FDPS: variants seen among roughly 807,000 people sequenced by gnomAD.
The protein encoded by FDPS is farnesyl pyrophosphate synthase.
Under a neutral mutation model 49.5 loss-of-function variants are expected in FDPS, and 29 were observed. That is an observed-to-expected ratio of 0.59 (90% CI 0.44 to 0.80). The LOEUF is 0.80. Among genes scored for constraint, FDPS ranks in the 30% least tolerant of loss-of-function variants. The pLI is 0.00. For synonymous variants in FDPS, 172 were observed against 206.4 expected, an observed-to-expected ratio of 0.83 and a Z score of 1.43; for missense variants, 414 against 525.6, an observed-to-expected ratio of 0.79 and a Z score of 2.08.
At chr1:155,320,278 TG>T (rs1176528955) in intron 10 of FDPS, 130 bp from the exon 11 acceptor site, 2 of 790,252 alleles carry the variant, frequency 2.5e-6, no homozygotes, top group East Asian at 5.4e-5. Context: ...TAGAGACACT[TG>T]AAAATTGGAG....
chr1:155,313,106 A>G (rs1240861926), intron 4 of FDPS: 2 of 152,242 alleles, frequency 1.3e-5, no homozygotes, highest in East Asian at 1.9e-4. Context: ...TAAATTTAAC[A>G]AAGAGATTTC....
intron 4 of FDPS, among the ~76,000 whole-genome samples, chr1:155,314,025 G>T (rs550131841): frequency 6.6e-6 from 1 of 152,044 alleles, no homozygotes; most frequent in South Asian, 2.1e-4. Context: ...CACCATATTG[G>T]TCAGGCTGGT....
chr1:155,310,797 C>G (rs928722213), intron 3 of FDPS, among the ~76,000 whole-genome samples: 3 of 152,112 alleles, frequency 2.0e-5, no homozygotes, highest in Non-Finnish European at 4.4e-5. Flanking sequence ...AAATCAGAAG[C>G]TGTTAGGTTG....
Position 155,320,090 on chromosome 1 carries a change from T to C in FDPS, c.1059+162T>C, listed in dbSNP as rs191093924. 1.2e-4 allele frequency: 98 copies of C among 833,986 alleles called. 1 individual carries two copies. The Admixed American group carries it at 2.4e-3, about 20-fold the overall frequency. The allele number at this position is 833,986 out of a possible 1,614,324, so 51.7% of individuals were successfully genotyped here. Reference sequence around the variant, plus strand: ...TGTGTGTGTGCATGTGGTACAGACATCTAGTTGGCAGGAGCCAAAGATGTT... The same window carrying C: ...TGTGTGTGTGCATGTGGTACAGACACCTAGTTGGCAGGAGCCAAAGATGTT... On this transcript the variant is annotated intron_variant, in intron 10 of 10. Transcript: ENST00000368356.
In FDPS at chr1:155,318,439, T is replaced by A; in HGVS notation, c.684+148T>A. 3 of 1,077,682 alleles carry A rather than the reference T, an allele frequency of 2.8e-6. No homozygotes were observed. The highest frequency in any genetic ancestry group is 4.1e-6 in the Non-Finnish European group (3 of 733,088). 66.8% of individuals were successfully genotyped at this position (1,077,682 alleles called of 1,614,324 possible). On this transcript the variant is annotated intron_variant, in intron 6 of 10. Transcript: ENST00000368356. This position sits in a 1 kb window ranked among gnomAD's most constrained non-coding sequence, Gnocchi z 4.2. ...CGAGGAAGGGTGTTGGGAAGTGGGG[T>A]TGTGGTAGTGGCAAGAAAGGGCTTC... is the stretch of plus-strand genomic sequence containing the variant.
intron 10 of FDPS, 46 bp downstream of exon 10, chr1:155,319,974 A>G (rs1177445213): frequency 6.3e-7 from 1 of 1,597,090 alleles, no homozygotes; most frequent in Non-Finnish European, 8.6e-7. Context: ...GGAAAGGGAT[A>G]GAGCAGTGGT....
Position 155,320,529 on chromosome 1 carries a change from C to G in FDPS, c.1180C>G (p.Leu394Val). 1.2e-6 allele frequency: 2 copies of G among 1,614,174 alleles called. No homozygotes were observed. Among genetic ancestry groups the G allele is most frequent in the Non-Finnish European group, 1.7e-6 (2 of 1,180,036 alleles). ...EEDSYSHIMA[L>V]IEQYAAPLPP... Reference sequence around the variant, plus strand: ...AGACAGTTACAGCCACATTATGGCTCTCATTGAACAGTACGCAGCACCCCT... The same window carrying G: ...AGACAGTTACAGCCACATTATGGCTGTCATTGAACAGTACGCAGCACCCCT... Residue 394 changes from leucine to valine, a missense_variant, in exon 11 of 11, where the codon CTC (leucine) becomes GTC (valine). Leu to Val is a conservative substitution (Grantham distance 32). Transcript: ENST00000368356.
At position 155,318,468 on chromosome 1, in the gene FDPS, G is replaced by A. The variant is rs912821021; in HGVS notation, c.684+177G>A. The A allele has an allele frequency of 1.2e-6, 1 of 868,234 alleles. No individual in the cohort carries two copies. Among genetic ancestry groups the A allele is most frequent in the Non-Finnish European group, 1.8e-6 (1 of 548,210 alleles). The allele number at this position is 868,234 out of a possible 1,614,324, so 53.8% of individuals were successfully genotyped here. The stretch of plus-strand genomic sequence containing the variant: ...GGTAGTGGCAAGAAAGGGCTTCTCT[G>A]TCCTGTGTAATTGGAAGAAAGGGTG... On this transcript the variant is annotated intron_variant, in intron 6 of 10. Transcript: ENST00000368356. The surrounding 1 kb of genome is among the most constrained non-coding windows in gnomAD (Gnocchi z 4.2).
At chr1:155,309,703 T>G in intron 1 of FDPS, 86 bp from the exon 2 acceptor site, 1 of 1,243,758 alleles carries the variant, frequency 8.0e-7, no homozygotes, top group South Asian at 1.8e-5. Flanking sequence ...GGGTGGGAGT[T>G]ATCTGGGGAG....
chr1:155,320,286 G>T, intron 10 of FDPS, 123 bp from the exon 11 acceptor site: 1 of 812,248 alleles, frequency 1.2e-6, no homozygotes, highest in South Asian at 1.7e-5. Flanking sequence ...CTTGAAAATT[G>T]GAGGGAGGAA....
rs1648911359 is a variant in FDPS, at chr1:155,312,569, C to A, written c.480+174C>A. On this transcript the variant is annotated intron_variant, in intron 4 of 10. Transcript: ENST00000368356. ...TCCAAGGGTTAACTAATGTGGGGAG[C>A]CTCTTTTGGCATTAGGTATGAAGAT... The A allele has an allele frequency of 1.4e-5, 9 of 654,526 alleles. No homozygotes were observed. The South Asian group carries it at 1.7e-4, about 12-fold the overall frequency. 40.5% of individuals were successfully genotyped at this position (654,526 alleles called of 1,614,324 possible).
intron 4 of FDPS, among the ~76,000 whole-genome samples, chr1:155,313,826 A>T (rs547525628): frequency 2.9e-4 from 43 of 149,308 alleles, no homozygotes; most frequent in South Asian, 1.1e-3. Flanking sequence ...GAATCAGTTC[A>T]TTTTTTTTTT....
At chr1:155,312,216 T>C (rs531725009) in intron 3 of FDPS, 39 bp from the exon 4 acceptor site, 2 of 1,610,846 alleles carry the variant, frequency 1.2e-6, no homozygotes, top group Non-Finnish European at 1.7e-6. Flanking sequence ...AGCTGCTGTA[T>C]GGACCCTGAT....
chr1:155,309,823 GTCT>G lies in FDPS; in HGVS notation c.37_39del (p.Phe13del), dbSNP rs1429147249. On this transcript the variant is annotated inframe_deletion, in exon 2 of 11. Coordinates refer to ENST00000368356, the MANE Select transcript of FDPS (RefSeq NM_002004.4). ...GTCCCGCTGGTTGAGATCTGTGGGG[GTCT>G]TCCTGCTGCCAGCCCCCTACTGGGC... The G allele has an allele frequency of 2.3e-5, 36 of 1,574,992 alleles. No individual in the cohort carries two copies. The highest frequency in any genetic ancestry group is 3.1e-5 in the Non-Finnish European group (36 of 1,156,534).
rs1168044910 is a variant in FDPS at position 155,310,171 on chromosome 1, C to T, written c.305C>T (p.Pro102Leu). ...RVLTEDEMGH[P>L]EIGDAIARLK... is the part of the protein sequence containing the mutation. The stretch of plus-strand genomic sequence containing the variant: ...CTGACTGAGGATGAGATGGGGCACC[C>T]AGAGATAGGAGATGCTATTGCCCGG... Residue 102 changes from proline to leucine, a missense_variant, in exon 3 of 11, where the codon CCA (proline) becomes CTA (leucine). Pro to Leu is a moderately conservative substitution (Grantham distance 98). Coordinates refer to ENST00000368356, the MANE Select transcript of FDPS (RefSeq NM_002004.4). 1 of 1,613,876 alleles carries T rather than the reference C, an allele frequency of 6.2e-7. No individual in the cohort carries two copies. The highest frequency in any genetic ancestry group is 2.2e-5 in the East Asian group (1 of 44,876).
Position 155,318,860 on chromosome 1 carries a change from A to G in FDPS, c.778A>G (p.Lys260Glu). The change falls in exon 8 of 11, where the codon AAA becomes GAA. Residue 260 changes from lysine to glutamate, a missense_variant. Physicochemically the swap from Lys to Glu is moderately conservative, Grantham distance 56. Coordinates refer to ENST00000368356, the MANE Select transcript of FDPS (RefSeq NM_002004.4). The surrounding 1 kb of genome is among the most constrained non-coding windows in gnomAD (Gnocchi z 4.2). ...TTCTCTTCTCCCCTTACTCAGGTAC[A>G]AATCTATTGTCAAGTACAAGACAGC... ...DLVRFTEKRY[K>E]SIVKYKTAFY... 1 of 1,612,910 alleles carries G rather than the reference A, an allele frequency of 6.2e-7. No homozygotes were observed. The highest frequency in any genetic ancestry group is 8.5e-7 in the Non-Finnish European group (1 of 1,178,924).
intron 4 of FDPS, chr1:155,313,099 A>T (rs1489966249): frequency 3.3e-5 from 5 of 152,236 alleles, no homozygotes; most frequent in Admixed American, 6.5e-5. Context: ...AGTCTCCTAA[A>T]TTTAACAAAG....
In FDPS at chr1:155,318,673, T is replaced by C. The variant is rs1476112288; in HGVS notation, c.693T>C (p.Tyr231=). ...NLIELFLQSS[Y]QTEIGQTLDL... Reference sequence around the variant, plus strand: ...GTCTTTGTCTTGCTTAGAGTTCCTATCAGACTGAGATTGGGCAGACCCTGG... The same window carrying C: ...GTCTTTGTCTTGCTTAGAGTTCCTACCAGACTGAGATTGGGCAGACCCTGG... The change falls in exon 7 of 11, where the codon TAT becomes TAC. Residue 231 remains tyrosine, a synonymous_variant. Transcript: ENST00000368356. This position sits in a 1 kb window ranked among gnomAD's most constrained non-coding sequence, Gnocchi z 4.2. The C allele has an allele frequency of 2.5e-6, 4 of 1,612,100 alleles. No homozygotes were observed. The highest frequency in any genetic ancestry group is 2.5e-6 in the Non-Finnish European group (3 of 1,178,290).
At position 155,312,443 on chromosome 1, in the gene FDPS, ACTT is replaced by A. The variant is rs1481931245; in HGVS notation, c.480+49_480+51del. 2.5e-6 allele frequency: 4 copies of A among 1,581,472 alleles called. No homozygotes were observed. In the Admixed American group the frequency reaches 6.7e-5, roughly 27 times the overall value. On this transcript the variant is annotated intron_variant, in intron 4 of 10. Transcript: ENST00000368356. ...GAAGAAGTTTCCTGCAATGGTGGTG[ACTT>A]GGGTGGGAAGGGGAGGGATGGGCCT...
Sources: gnomAD v4.1 joint callset for allele counts (sites outside exome capture counted in the v4.1 genomes callset) on GRCh38, gnomAD v4.1.1 for gene constraint, Gnocchi (gnomAD v3.1) non-coding constraint, MANE v1.5 for transcripts, NCBI Gene and HGNC (gene_info 2026-07-23, HGNC 2026-07-21) for gene names.